UBE3A: variants seen among roughly 807,000 people sequenced by gnomAD.
The protein encoded by UBE3A is ubiquitin protein ligase E3A.
In UBE3A, 6 loss-of-function variants were observed where a neutral mutation model predicts 83.4. That is an observed-to-expected ratio of 0.07 (90% CI 0.04 to 0.14). UBE3A has a LOEUF of 0.14. Among genes scored for constraint, UBE3A ranks in the 10% least tolerant of loss-of-function variants. The pLI is 1.00. For synonymous variants in UBE3A, 337 were observed against 355.4 expected (o/e 0.95, Z 0.58); for missense variants, 456 against 1,036.1 (o/e 0.44, Z 7.69).
intron 11 of UBE3A, among the ~76,000 whole-genome samples, chr15:25,353,110 T>G (rs1323485211): frequency 6.6e-6 from 1 of 152,206 alleles, no homozygotes; most frequent in Non-Finnish European, 1.5e-5. Flanking sequence ...TTATACTCCT[T>G]GTGACTGATG....
intron 1 of UBE3A, chr15:25,437,990 G>A (rs74878801): frequency 6.6e-6 from 1 of 152,234 alleles, no homozygotes; most frequent in Non-Finnish European, 1.5e-5. Flanking sequence ...CAACCCTTGG[G>A]CTTGACATAC....
intron 1 of UBE3A, chr15:25,438,149 T>G (rs1003817072): frequency 6.6e-6 from 1 of 152,248 alleles, no homozygotes; most frequent in African/African-American, 2.4e-5. Context: ...TGCCCTTCCC[T>G]GTCTGGGGCC....
At chr15:25,392,804 A>T (rs2084709650) in intron 4 of UBE3A, among the ~76,000 whole-genome samples, 1 of 152,186 alleles carries the variant, frequency 6.6e-6, no homozygotes, top group Admixed American at 6.5e-5. Context: ...CCTAAAGTTC[A>T]AGAAAAGTTT....
At chr15:25,340,410 C>T (rs958688654) in intron 11 of UBE3A, among the ~76,000 whole-genome samples, 182 bp from the exon 12 acceptor site, 1 of 151,934 alleles carries the variant, frequency 6.6e-6, no homozygotes, top group Non-Finnish European at 1.5e-5. Context: ...GCTCTGAATA[C>T]GTAAAAATTT....
rs555823454 is a variant in UBE3A at position 25,407,419 on chromosome 15, T to C, written c.20+1669A>G. ...GGTAAGACACAAGAAGAAAAACAAA[T>C]CTAAGTCTTAGAAGTACAATATGTA... On this transcript the variant is annotated intron_variant, in intron 3 of 12. Coordinates refer to ENST00000648336, the MANE Select transcript of UBE3A (RefSeq NM_130839.5). 3.9e-5 allele frequency: 14 copies of C among 358,512 alleles called. No homozygotes were observed. The South Asian group carries it at 8.8e-4, about 23-fold the overall frequency. 22.2% of individuals were successfully genotyped at this position (358,512 alleles called of 1,614,324 possible).
chr15:25,430,152 CAT>C (rs1190416343), intron 1 of UBE3A, among the ~76,000 whole-genome samples: 23 of 23,138 alleles, frequency 9.9e-4, no homozygotes, highest in Non-Finnish European at 1.2e-3. Flanking sequence ...ATATATAATA[CAT>C]ATATATAAGA....
rs377676171 is a variant in UBE3A, at chr15:25,378,289, C to T, written c.63-2526G>A. 6.6e-5 allele frequency among the ~76,000 whole-genome samples: 10 copies of T among 152,178 alleles called. No homozygotes were observed. The East Asian group carries it at 9.6e-4, about 15-fold the overall frequency. ...AGGAGAGTGATCAGCACAAACAGAA[C>T]GAGACTGAAAAATCAGAAGATCTGC... On this transcript the variant is annotated intron_variant, in intron 4 of 12. Coordinates refer to ENST00000648336, the MANE Select transcript of UBE3A (RefSeq NM_130839.5).
intron 10 of UBE3A, 46 bp from the exon 11 acceptor site, chr15:25,354,472 T>G (rs1320619502): frequency 1.2e-6 from 2 of 1,613,488 alleles, no homozygotes; most frequent in Admixed American, 3.3e-5. Context: ...TATACTACTG[T>G]ATCATTACAA....
chr15:25,424,384 CCTAT>C (rs1275649050), intron 1 of UBE3A, among the ~76,000 whole-genome samples: 2 of 152,136 alleles, frequency 1.3e-5, no homozygotes, highest in African/African-American at 4.8e-5. Flanking sequence ...CTCTACCTAC[CCTAT>C]CTAAAATTTC....
chr15:25,409,054 G>A (rs749037536), intron 3 of UBE3A, 34 bp downstream of exon 3: 1 of 1,569,506 alleles, frequency 6.4e-7, no homozygotes, highest in Non-Finnish European at 8.7e-7. Flanking sequence ...TACAATGACA[G>A]CCTTTTAAAG....
chr15:25,409,136 G>T lies in UBE3A; in HGVS notation c.-29C>A. 6.3e-7 allele frequency: 1 copy of T among 1,593,330 alleles called. No homozygotes were observed. Among genetic ancestry groups the T allele is most frequent in the Non-Finnish European group, 8.6e-7 (1 of 1,168,856 alleles). On this transcript the variant is annotated 5_prime_UTR_variant, in exon 3 of 13. Transcript: ENST00000648336. ...GTGACATCAGGGTGATCACAGCTTT[G>T]AGTCACTGATTAAAAACAGGTTGTC...
intron 11 of UBE3A, among the ~76,000 whole-genome samples, chr15:25,343,923 A>G (rs1345136002): frequency 6.6e-6 from 1 of 152,240 alleles, no homozygotes. Flanking sequence ...CCATTTCTCA[A>G]TTGGCAAATA....
At chr15:25,372,853 T>C (rs1207525600) in intron 5 of UBE3A, among the ~76,000 whole-genome samples, 1 of 152,172 alleles carries the variant, frequency 6.6e-6, no homozygotes, top group Admixed American at 6.5e-5. Context: ...CCCTTATACA[T>C]GTAGTGTACA....
intron 11 of UBE3A, among the ~76,000 whole-genome samples, chr15:25,341,169 G>A (rs558893180): frequency 4.0e-5 from 6 of 151,466 alleles, no homozygotes; most frequent in South Asian, 2.1e-4. Context: ...TCCTGGGTTC[G>A]CGCCATTGTC....
intron 4 of UBE3A, among the ~76,000 whole-genome samples, chr15:25,383,649 A>T (rs1488044909): frequency 6.6e-6 from 1 of 152,182 alleles, no homozygotes; most frequent in African/African-American, 2.4e-5. Flanking sequence ...CAAAAAAACA[A>T]AAACAAAAAC....
At chr15:25,394,436 G>C (rs999462864) in intron 4 of UBE3A, among the ~76,000 whole-genome samples, 4 of 152,116 alleles carry the variant, frequency 2.6e-5, no homozygotes, top group African/African-American at 9.7e-5. Flanking sequence ...GAACCTATAG[G>C]AGAACCACTT....
chr15:25,397,621 G>A (rs1201794348), intron 4 of UBE3A, among the ~76,000 whole-genome samples: 1 of 152,002 alleles, frequency 6.6e-6, no homozygotes. Flanking sequence ...AAACTCCTAA[G>A]TCCACCATTA....
rs1363276463 is a variant in UBE3A at position 25,387,282 on chromosome 15, G to C, written c.63-11519C>G. On this transcript the variant is annotated intron_variant, in intron 4 of 12. Coordinates refer to ENST00000648336, the MANE Select transcript of UBE3A (RefSeq NM_130839.5). ...CACGCCTGTAATCCCAGCACTTTGG[G>C]AGGCTGAGGCGGGTGGATCACATGG... Among the ~76,000 whole-genome samples the C allele has an allele frequency of 7.9e-5, 12 of 152,316 alleles. No homozygotes were observed. The East Asian group carries it at 2.1e-3, about 27-fold the overall frequency.
chr15:25,371,215 T>C lies in UBE3A; in HGVS notation c.959A>G (p.Lys320Arg). The change falls in exon 6 of 13, where the codon AAA becomes AGA. Residue 320 changes from lysine (K) to arginine (R), a missense_variant. Around this residue, in one of 13 missense-constraint regions of UBE3A, gnomAD observed 40 missense variants for 124.8 expected, o/e 0.32. Transcript: ENST00000648336. The surrounding 1 kb of genome is among the most constrained non-coding windows in gnomAD (Gnocchi z 5.3). ...GTATTTAGACCACAGTCTGATCAGT[T>C]TTCCTTGGGCTGCAAGGGGTAGCTT... ...MSKLPLAAQG[K>R]LIRLWSKYNA... 5 of 1,614,158 alleles carry C rather than the reference T, an allele frequency of 3.1e-6. No individual in the cohort carries two copies. The highest frequency in any genetic ancestry group is 3.4e-6 in the Non-Finnish European group (4 of 1,180,026).
Sources: gnomAD v4.1 joint callset for allele counts (sites outside exome capture counted in the v4.1 genomes callset) on GRCh38, gnomAD v4.1.1 for gene constraint, gnomAD v4.1.1 regional missense constraint, Gnocchi (gnomAD v3.1) non-coding constraint, MANE v1.5 for transcripts, NCBI Gene and HGNC (gene_info 2026-07-23, HGNC 2026-07-21) for gene names.